ZMYND8: variants seen among roughly 807,000 people sequenced by gnomAD.
The protein encoded by ZMYND8 is zinc finger MYND-type containing 8.
ZMYND8 carries 37 observed loss-of-function variants against 140.8 expected under a neutral mutation model. The ratio of observed to expected loss-of-function variants is 0.26; its 90% CI spans 0.20 to 0.35. The LOEUF (loss-of-function observed/expected upper bound fraction) is 0.35. ZMYND8 is among the 10% of genes least tolerant of loss of function. ZMYND8 has a pLI of 1.00. For missense variants in ZMYND8, 1,068 were observed against 1,570.0 expected (o/e 0.68, Z 5.40); for synonymous variants, 592 against 597.1 (o/e 0.99, Z 0.12).
intron 2 of ZMYND8, among the ~76,000 whole-genome samples, chr20:47,312,017 A>G (rs550425368): frequency 1.3e-5 from 2 of 152,306 alleles, no homozygotes; most frequent in East Asian, 3.9e-4. Context: ...GGTGTACCTG[A>G]CATCCTGAGG....
chr20:47,270,632 G>A (rs796782719), intron 11 of ZMYND8, among the ~76,000 whole-genome samples: 16 of 149,360 alleles, frequency 1.1e-4, no homozygotes, highest in African/African-American at 3.7e-4. Context: ...AGGCTAAGGC[G>A]GGAGGATCGC....
intron 12 of ZMYND8, among the ~76,000 whole-genome samples, chr20:47,259,375 T>C (rs562289084): frequency 6.6e-6 from 1 of 152,290 alleles, no homozygotes; most frequent in Admixed American, 6.5e-5. Flanking sequence ...ATCAGGGCTG[T>C]ACTCACAGGT....
chr20:47,260,123 G>C (rs1400604301), intron 12 of ZMYND8, among the ~76,000 whole-genome samples: 1 of 152,172 alleles, frequency 6.6e-6, no homozygotes, highest in Non-Finnish European at 1.5e-5. Flanking sequence ...TCTACATTTT[G>C]TAGGATGTTG....
chr20:47,220,955 CTG>C (rs1568895431), intron 20 of ZMYND8, among the ~76,000 whole-genome samples: 1 of 152,150 alleles, frequency 6.6e-6, no homozygotes. Flanking sequence ...TTAAATAAAA[CTG>C]TAAAATCAGG....
At chr20:47,264,163 C>A (rs1170502880) in intron 11 of ZMYND8, among the ~76,000 whole-genome samples, 1 of 152,220 alleles carries the variant, frequency 6.6e-6, no homozygotes, top group Non-Finnish European at 1.5e-5. Flanking sequence ...GCTGGGAATC[C>A]TTTTCCTCAT....
At chr20:47,330,390 G>A (rs1415814754) in intron 2 of ZMYND8, among the ~76,000 whole-genome samples, 4 of 144,234 alleles carry the variant, frequency 2.8e-5, no homozygotes, top group African/African-American at 5.2e-5. Flanking sequence ...TTGTAGGAAC[G>A]GGTGGGTCTT....
At chr20:47,330,273 T>C (rs1285031438) in intron 2 of ZMYND8, among the ~76,000 whole-genome samples, 1 of 151,734 alleles carries the variant, frequency 6.6e-6, no homozygotes, top group Non-Finnish European at 1.5e-5. Context: ...CACTGCAGGC[T>C]CCACCTTCTG....
chr20:47,227,920 C>G (rs897842679), intron 17 of ZMYND8, among the ~76,000 whole-genome samples: 1 of 152,062 alleles, frequency 6.6e-6, no homozygotes, highest in African/African-American at 2.4e-5. Context: ...TGGAGAAACC[C>G]TATCTCTACT....
At chr20:47,312,615 G>A (rs570087374) in intron 2 of ZMYND8, among the ~76,000 whole-genome samples, 37 of 152,118 alleles carry the variant, frequency 2.4e-4, no homozygotes, top group South Asian at 1.5e-3. Context: ...GTGAAACCCC[G>A]TACTTTTGTA....
intron 19 of ZMYND8, among the ~76,000 whole-genome samples, chr20:47,222,386 A>G (rs2037103208): frequency 6.6e-6 from 1 of 152,224 alleles, no homozygotes; most frequent in Non-Finnish European, 1.5e-5. Context: ...AACACAAAAA[A>G]TTAGCCAGGC....
Position 47,344,103 on chromosome 20 carries a change from G to A in ZMYND8, c.85+3753C>T, listed in dbSNP as rs531433291. 4.6e-5 allele frequency among the ~76,000 whole-genome samples: 7 copies of A among 151,312 alleles called. No homozygotes were observed. The South Asian group carries it at 6.3e-4, about 14-fold the overall frequency. ...AGTGATTCTCCTGCCTCAGCCTCCC[G>A]AGTAGTTGCGACTAGAGGTGCCTGC... is the stretch of plus-strand genomic sequence containing the variant. On this transcript the variant is annotated intron_variant, in intron 2 of 22. Transcript: ENST00000471951.
At chr20:47,256,278 G>A (rs2074707925) in intron 12 of ZMYND8, among the ~76,000 whole-genome samples, 1 of 151,912 alleles carries the variant, frequency 6.6e-6, no homozygotes. Context: ...CCAGAAGTTT[G>A]AGACCAGCCT....
At chr20:47,288,783 C>T (rs544663944) in intron 7 of ZMYND8, among the ~76,000 whole-genome samples, 3 of 152,308 alleles carry the variant, frequency 2.0e-5, no homozygotes, top group African/African-American at 7.2e-5. Flanking sequence ...GTGCGTAAAG[C>T]AGATATGCAT....
chr20:47,342,257 A>C (rs916622647), intron 2 of ZMYND8, among the ~76,000 whole-genome samples: 1 of 152,130 alleles, frequency 6.6e-6, no homozygotes, highest in Non-Finnish European at 1.5e-5. Flanking sequence ...AAAAGAAACC[A>C]GGATCCTCTG....
chr20:47,278,554 C>T (rs2076396985), intron 10 of ZMYND8, among the ~76,000 whole-genome samples: 6 of 151,874 alleles, frequency 4.0e-5, no homozygotes, highest in Admixed American at 3.9e-4. Flanking sequence ...GAAAACAACC[C>T]AGGAGAAATA....
chr20:47,242,817 C>T (rs977360780), intron 14 of ZMYND8, among the ~76,000 whole-genome samples: 1 of 151,972 alleles, frequency 6.6e-6, no homozygotes, highest in Admixed American at 6.6e-5. Flanking sequence ...TTTATGGAGA[C>T]AAAATGAGGC....
chr20:47,318,768 G>A (rs908217848), intron 2 of ZMYND8: 12 of 485,138 alleles, frequency 2.5e-5, no homozygotes, highest in Non-Finnish European at 4.7e-5. Flanking sequence ...TGCTTATAAA[G>A]AATCTCTGCA....
chr20:47,293,985 C>G (rs1464890687), intron 5 of ZMYND8, among the ~76,000 whole-genome samples: 1 of 152,162 alleles, frequency 6.6e-6, no homozygotes, highest in Non-Finnish European at 1.5e-5. Flanking sequence ...CCTTGCTTCC[C>G]CTTCGCCTTC....
At chr20:47,288,306 C>G (rs567833252) in intron 7 of ZMYND8, among the ~76,000 whole-genome samples, 6 of 151,870 alleles carry the variant, frequency 4.0e-5, no homozygotes, top group African/African-American at 1.2e-4. Context: ...TGTTTTTGTT[C>G]TTCTACCTGA....
Sources: allele counts gnomAD v4.1 joint callset (sites outside exome capture counted in the v4.1 genomes callset), GRCh38; gene constraint gnomAD v4.1.1; transcripts MANE v1.5; gene names NCBI Gene and HGNC (gene_info 2026-07-23, HGNC 2026-07-21).